The following ZSWIM6 variants were observed in gnomAD, a reference collection of about 807,000 sequenced individuals.
ZSWIM6 encodes zinc finger SWIM domain-containing protein 6.
A neutral mutation model predicts 113.2 loss-of-function variants in ZSWIM6; 9 were observed. The ratio of observed to expected loss-of-function variants is 0.08; its 90% CI spans 0.05 to 0.14. The LOEUF (loss-of-function observed/expected upper bound fraction) is 0.14. ZSWIM6 is among the 10% of genes least tolerant of loss of function. The pLI is 1.00. For synonymous variants in ZSWIM6, 611 were observed against 606.5 expected, an observed-to-expected ratio of 1.01 and a Z score of -0.11; for missense variants, 1,162 against 1,552.2, an observed-to-expected ratio of 0.75 and a Z score of 4.22.
At chr5:61,526,961 C>A (rs1257133674) in intron 7 of ZSWIM6, among the ~76,000 whole-genome samples, 1 of 152,180 alleles carries the variant, frequency 6.6e-6, no homozygotes, top group Non-Finnish European at 1.5e-5. Flanking sequence ...AACTTTTTAG[C>A]TGTAATAATT....
chr5:61,389,628 A>AT (rs1745663032), intron 1 of ZSWIM6, among the ~76,000 whole-genome samples: 1 of 151,590 alleles, frequency 6.6e-6, no homozygotes, highest in Non-Finnish European at 1.5e-5. Flanking sequence ...GTCTTCAGTG[A>AT]TTCAAGGTCT....
At chr5:61,466,697 T>G (rs1393083013) in intron 1 of ZSWIM6, among the ~76,000 whole-genome samples, 1 of 152,210 alleles carries the variant, frequency 6.6e-6, no homozygotes, top group Non-Finnish European at 1.5e-5. Context: ...TCTTTCAGTT[T>G]ATAACAGTCT....
chr5:61,478,223 C>T (rs371106606), intron 2 of ZSWIM6, among the ~76,000 whole-genome samples: 24 of 152,132 alleles, frequency 1.6e-4, no homozygotes, highest in South Asian at 2.1e-4. Context: ...AAGTTGCTTT[C>T]ACTATACTAT....
intron 4 of ZSWIM6, among the ~76,000 whole-genome samples, chr5:61,509,990 C>T (rs1386159079): frequency 2.0e-5 from 3 of 151,886 alleles, no homozygotes; most frequent in African/African-American, 7.3e-5. Context: ...CCTTTTGAAG[C>T]TGTGTGAATT....
chr5:61,534,184 A>G (rs1749516492), intron 9 of ZSWIM6, among the ~76,000 whole-genome samples: 1 of 152,220 alleles, frequency 6.6e-6, no homozygotes, highest in African/African-American at 2.4e-5. Flanking sequence ...GTGCAGTCAT[A>G]ATGCTATATG....
intron 1 of ZSWIM6, among the ~76,000 whole-genome samples, chr5:61,370,596 T>A (rs1183868157): frequency 6.6e-6 from 1 of 152,268 alleles, no homozygotes; most frequent in Non-Finnish European, 1.5e-5. Flanking sequence ...ATTTTATGCA[T>A]GAGGCTCAGA....
At chr5:61,364,981 G>A (rs1426408028) in intron 1 of ZSWIM6, among the ~76,000 whole-genome samples, 2 of 152,148 alleles carry the variant, frequency 1.3e-5, no homozygotes, top group African/African-American at 4.8e-5. Flanking sequence ...CAAAGCCTAA[G>A]ATATTTACTA....
At chr5:61,394,844 G>A (rs1158605842) in intron 1 of ZSWIM6, among the ~76,000 whole-genome samples, 1 of 152,160 alleles carries the variant, frequency 6.6e-6, no homozygotes, top group Non-Finnish European at 1.5e-5. Context: ...CTGCACAGCT[G>A]CTACAGGGGG....
intron 4 of ZSWIM6, among the ~76,000 whole-genome samples, chr5:61,503,031 A>G (rs1375386809): frequency 2.0e-5 from 3 of 152,132 alleles, no homozygotes; most frequent in Middle Eastern, 3.2e-3. Context: ...GCTTTTTCCT[A>G]TATACTTTAG....
At chr5:61,525,571 G>A (rs546561431) in intron 5 of ZSWIM6, among the ~76,000 whole-genome samples, 11 of 152,240 alleles carry the variant, frequency 7.2e-5, no homozygotes, top group African/African-American at 2.6e-4. Context: ...AGCTTTAATG[G>A]CTGCAGAATG....
intron 1 of ZSWIM6, among the ~76,000 whole-genome samples, chr5:61,402,669 C>G (rs1351037776): frequency 6.6e-6 from 1 of 152,148 alleles, no homozygotes; most frequent in Admixed American, 6.5e-5. Flanking sequence ...AATGTGGAAA[C>G]TGGAACTCCA....
rs1749655112 is a variant in ZSWIM6 at position 61,538,952 on chromosome 5, C to G, written c.2520C>G (p.Thr840=). Residue 840 remains threonine (T), a synonymous_variant, in exon 11 of 14, where the codon ACC becomes ACG. Coordinates refer to ENST00000252744, the MANE Select transcript of ZSWIM6 (RefSeq NM_020928.2). ...CCCAGCAGTGTGAGCTGGCATCCAC[C>G]ATGCTAACTGCAGCCAAAGGTACTG... The part of the protein sequence containing the change: ...IESQQCELAS[T]MLTAAKGDVR... The G allele has an allele frequency of 6.4e-7, 1 of 1,551,676 alleles. No individual in the cohort carries two copies. The highest frequency in any genetic ancestry group is 1.4e-5 in the African/African-American group (1 of 73,038).
chr5:61,465,906 T>C (rs1280158497), intron 1 of ZSWIM6, among the ~76,000 whole-genome samples: 1 of 152,196 alleles, frequency 6.6e-6, no homozygotes, highest in Non-Finnish European at 1.5e-5. Context: ...CGGCAAAATC[T>C]CCTAATGTCT....
intron 1 of ZSWIM6, among the ~76,000 whole-genome samples, chr5:61,335,941 A>G (rs1744382747): frequency 6.6e-6 from 1 of 152,242 alleles, no homozygotes; most frequent in Non-Finnish European, 1.5e-5. Context: ...AAAATTTTAG[A>G]GAAAGAGTAG....
At chr5:61,357,694 CAA>C (rs1185689632) in intron 1 of ZSWIM6, among the ~76,000 whole-genome samples, 1 of 151,796 alleles carries the variant, frequency 6.6e-6, no homozygotes, top group Admixed American at 6.6e-5. Context: ...CAGTTTAAAA[CAA>C]AACATTCTAA....
At chr5:61,462,037 A>G (rs1331855265) in intron 1 of ZSWIM6, among the ~76,000 whole-genome samples, 1 of 152,228 alleles carries the variant, frequency 6.6e-6, no homozygotes, top group Non-Finnish European at 1.5e-5. Context: ...GGCTCTCTAC[A>G]GTAAGGGAAA....
intron 2 of ZSWIM6, among the ~76,000 whole-genome samples, chr5:61,482,789 A>G (rs983515737): frequency 1.3e-5 from 2 of 152,070 alleles, no homozygotes; most frequent in Non-Finnish European, 2.9e-5. Flanking sequence ...AAGGAAATGG[A>G]GGCCCGAAGA....
intron 1 of ZSWIM6, among the ~76,000 whole-genome samples, chr5:61,467,724 C>T (rs80007114): frequency 6.6e-6 from 1 of 152,082 alleles, no homozygotes; most frequent in Non-Finnish European, 1.5e-5. Flanking sequence ...ACAAAATCAA[C>T]TATTTGTGAG....
chr5:61,484,840 A>T (rs1201794050), intron 2 of ZSWIM6, among the ~76,000 whole-genome samples: 2 of 152,134 alleles, frequency 1.3e-5, no homozygotes, highest in Non-Finnish European at 2.9e-5. Context: ...ATCCTGGAGT[A>T]TGTTCATCGG....
Sources: allele counts gnomAD v4.1 joint callset (sites outside exome capture counted in the v4.1 genomes callset), GRCh38; gene constraint gnomAD v4.1.1; transcripts MANE v1.5; gene names NCBI Gene and HGNC (gene_info 2026-07-23, HGNC 2026-07-21).